The following UBE2R2 variants were observed in gnomAD, a reference collection of about 807,000 sequenced individuals.
The protein encoded by UBE2R2 is ubiquitin-conjugating enzyme E2 R2.
UBE2R2 carries 1 observed loss-of-function variant against 27.8 expected under a neutral mutation model. That is an observed-to-expected ratio of 0.04 (90% confidence interval 0.01 to 0.17). The LOEUF (loss-of-function observed/expected upper bound fraction) is 0.17. Ranked by LOEUF, UBE2R2 falls within the 10% of genes least tolerant of loss-of-function variation. The pLI, the probability that UBE2R2 is intolerant of heterozygous loss-of-function variation, is 1.00. For missense variants in UBE2R2, 100 were observed against 291.0 expected (o/e 0.34, Z 4.78); for synonymous variants, 106 against 113.3 (o/e 0.94, Z 0.41).
rs551347675 is a variant in UBE2R2, at chr9:33,828,955, G to A, written c.177+11021G>A. The stretch of plus-strand genomic sequence containing the variant: ...TCACCCTGTTGGCCAGACTCGTCTC[G>A]AATTCCTGACCTCAGGTGATCTGCC... On this transcript the variant is annotated intron_variant, in intron 1 of 4. Coordinates refer to ENST00000263228, the MANE Select transcript of UBE2R2 (RefSeq NM_017811.4). Among the ~76,000 whole-genome samples, 31 of 152,076 alleles carry A rather than the reference G, an allele frequency of 2.0e-4. No individual in the cohort carries two copies. In the South Asian group the frequency reaches 6.0e-3, roughly 30 times the overall value.
chr9:33,874,200 G>A (rs562296885), intron 1 of UBE2R2, among the ~76,000 whole-genome samples: 4 of 151,968 alleles, frequency 2.6e-5, no homozygotes, highest in South Asian at 4.2e-4. Flanking sequence ...TGCCTGCCTC[G>A]GGCTCCCAAA....
At chr9:33,885,765 C>G (rs7039643) in intron 1 of UBE2R2, among the ~76,000 whole-genome samples, 273 of 152,220 alleles carry the variant, frequency 1.8e-3, no homozygotes, top group African/African-American at 6.4e-3. Context: ...TGGTTATTTT[C>G]TGGAATTCTG....
chr9:33,917,560 G>A lies in UBE2R2; in HGVS notation c.*323G>A. The A allele has an allele frequency of 2.0e-6, 1 of 489,614 alleles. No individual in the cohort carries two copies. The highest frequency in any genetic ancestry group is 4.3e-5 in the South Asian group (1 of 23,002). The allele number at this position is 489,614 out of a possible 1,614,324, so 30.3% of individuals were successfully genotyped here. Reference sequence around the variant, plus strand: ...AGAATGTTCACAGCAAAACACGTTTGGTCTGTTTTTAGATTCTTGAAGAAT... The same window carrying A: ...AGAATGTTCACAGCAAAACACGTTTAGTCTGTTTTTAGATTCTTGAAGAAT... On this transcript the variant is annotated 3_prime_UTR_variant, in exon 5 of 5. Coordinates refer to ENST00000263228, the MANE Select transcript of UBE2R2 (RefSeq NM_017811.4).
intron 1 of UBE2R2, among the ~76,000 whole-genome samples, chr9:33,862,284 T>C (rs1313870629): frequency 6.6e-6 from 1 of 152,188 alleles, no homozygotes; most frequent in Non-Finnish European, 1.5e-5. Flanking sequence ...ACCTAGACTT[T>C]TGCTCCTTCA....
chr9:33,831,426 T>G (rs1170142039), intron 1 of UBE2R2, among the ~76,000 whole-genome samples: 1 of 152,134 alleles, frequency 6.6e-6, no homozygotes, highest in Non-Finnish European at 1.5e-5. Context: ...ACTTTTTGTT[T>G]GTTTGTTTGA....
intron 1 of UBE2R2, among the ~76,000 whole-genome samples, chr9:33,842,165 C>T (rs939699652): frequency 1.3e-5 from 2 of 151,958 alleles, no homozygotes; most frequent in African/African-American, 4.8e-5. Flanking sequence ...TTTGGAAGGC[C>T]GAGGTCAGAG....
chr9:33,856,096 C>T (rs1373044512), intron 1 of UBE2R2, among the ~76,000 whole-genome samples: 3 of 152,058 alleles, frequency 2.0e-5, no homozygotes, highest in African/African-American at 4.8e-5. Context: ...CTTACCCTGT[C>T]CTGGTTTTAC....
At chr9:33,887,943 G>A (rs771722642) in intron 2 of UBE2R2, among the ~76,000 whole-genome samples, 2 of 152,172 alleles carry the variant, frequency 1.3e-5, no homozygotes, top group African/African-American at 4.8e-5. Context: ...CCAAAGTGCC[G>A]GGATTACAGG....
chr9:33,900,033 G>A (rs1822211981), intron 2 of UBE2R2, 141 bp from the exon 3 acceptor site: 2 of 542,242 alleles, frequency 3.7e-6, no homozygotes, highest in Non-Finnish European at 6.6e-6. Context: ...ATTTATCTTT[G>A]ATGTTGAACA....
intron 1 of UBE2R2, among the ~76,000 whole-genome samples, chr9:33,829,187 A>G (rs1338883366): frequency 1.3e-5 from 2 of 152,194 alleles, no homozygotes; most frequent in Admixed American, 6.6e-5. Flanking sequence ...TTGAATCCAC[A>G]GGAAAAAAAT....
chr9:33,816,212 T>G (rs531100979), upstream of UBE2R2, among the ~76,000 whole-genome samples: 1 of 152,294 alleles, frequency 6.6e-6, no homozygotes, highest in Middle Eastern at 3.4e-3. Context: ...AGGAAATGTT[T>G]TTTAGGCAGT....
At chr9:33,856,660 T>G (rs573773895) in intron 1 of UBE2R2, among the ~76,000 whole-genome samples, 4 of 152,182 alleles carry the variant, frequency 2.6e-5, no homozygotes, top group African/African-American at 9.6e-5. Context: ...CAGTTGTGTA[T>G]GATTACATTA....
At chr9:33,899,286 G>T (rs948295935) in intron 2 of UBE2R2, among the ~76,000 whole-genome samples, 8 of 151,636 alleles carry the variant, frequency 5.3e-5, no homozygotes, top group Non-Finnish European at 1.0e-4. Context: ...TGCAACCTCC[G>T]CCTCCCGGGT....
chr9:33,849,707 A>AT (rs1210847993), intron 1 of UBE2R2, among the ~76,000 whole-genome samples: 1 of 133,346 alleles, frequency 7.5e-6, no homozygotes, highest in African/African-American at 2.7e-5. Context: ...AAAAAAAAAA[A>AT]GTCAGGCGGT....
At chr9:33,889,159 T>C (rs538039839) in intron 2 of UBE2R2, among the ~76,000 whole-genome samples, 106 of 152,310 alleles carry the variant, frequency 7.0e-4, no homozygotes, top group African/African-American at 2.4e-3. Flanking sequence ...CTGAGTTCAG[T>C]ACGCACAGCA....
chr9:33,884,939 C>A (rs997914788), intron 1 of UBE2R2, among the ~76,000 whole-genome samples: 5 of 152,156 alleles, frequency 3.3e-5, no homozygotes, highest in African/African-American at 1.2e-4. Context: ...CTGTTGACTT[C>A]TTTTACCTAA....
intron 1 of UBE2R2, among the ~76,000 whole-genome samples, chr9:33,867,992 C>G (rs748602103): frequency 6.6e-6 from 1 of 152,144 alleles, no homozygotes; most frequent in Non-Finnish European, 1.5e-5. Context: ...TGTTCTTGTT[C>G]GGTGTCCAGG....
chr9:33,848,605 C>CT (rs869271677), intron 1 of UBE2R2, among the ~76,000 whole-genome samples: 306 of 143,098 alleles, frequency 2.1e-3, no homozygotes, highest in Admixed American at 4.0e-3. Context: ...GCTATAAAAT[C>CT]TTTTTTTTTT....
At chr9:33,820,495 A>G (rs1413004126) in intron 1 of UBE2R2, among the ~76,000 whole-genome samples, 2 of 152,190 alleles carry the variant, frequency 1.3e-5, no homozygotes, top group African/African-American at 4.8e-5. Context: ...AGGCAAATTT[A>G]TGGTCATGAG....
Sources: gnomAD v4.1 joint callset for allele counts (sites outside exome capture counted in the v4.1 genomes callset) on GRCh38, gnomAD v4.1.1 for gene constraint, MANE v1.5 for transcripts, NCBI Gene and HGNC (gene_info 2026-07-23, HGNC 2026-07-21) for gene names.